Variants in DLG2 observed in about 807,000 individuals in gnomAD.
DLG2 encodes discs large MAGUK scaffold protein 2, also known as disks large homolog 2.
Under a neutral mutation model 132.5 loss-of-function variants are expected in DLG2, and 45 were observed. That is an observed-to-expected ratio of 0.34 (90% confidence interval 0.27 to 0.44). DLG2 has a LOEUF of 0.44. Ranked by LOEUF, DLG2 falls within the 20% of genes least tolerant of loss-of-function variation. The pLI, the probability that DLG2 is intolerant of heterozygous loss-of-function variation, is 1.00. For synonymous variants in DLG2, 424 were observed against 419.6 expected (o/e 1.01, Z -0.13); for missense variants, 1,045 against 1,196.9 (o/e 0.87, Z 1.87).
intron 3 of DLG2, among the ~76,000 whole-genome samples, chr11:85,303,829 A>T (rs1360974491): frequency 6.6e-6 from 1 of 152,078 alleles, no homozygotes; most frequent in Non-Finnish European, 1.5e-5. Flanking sequence ...GAAATCCAAG[A>T]CCCTGTTAAC....
intron 6 of DLG2, among the ~76,000 whole-genome samples, chr11:84,855,024 G>A (rs942831371): frequency 6.6e-6 from 1 of 152,026 alleles, no homozygotes; most frequent in Non-Finnish European, 1.5e-5. Context: ...TTGGTTGACA[G>A]ATTCAAATGG....
chr11:84,499,095 T>G (rs946757444), intron 7 of DLG2, among the ~76,000 whole-genome samples: 1 of 152,240 alleles, frequency 6.6e-6, no homozygotes, highest in Non-Finnish European at 1.5e-5. Flanking sequence ...GCAATAATTT[T>G]AACATCTTCC....
chr11:85,343,685 C>T (rs1029634257), intron 3 of DLG2, among the ~76,000 whole-genome samples: 1 of 152,038 alleles, frequency 6.6e-6, no homozygotes, highest in Non-Finnish European at 1.5e-5. Context: ...CACACATATA[C>T]ACACTAGAAC....
chr11:85,134,719 G>A (rs1455764772), intron 5 of DLG2, among the ~76,000 whole-genome samples: 2 of 151,852 alleles, frequency 1.3e-5, no homozygotes, highest in Non-Finnish European at 2.9e-5. Context: ...TTACCCAAAT[G>A]AGAGCACTGT....
rs541670595 is a variant in DLG2 at position 84,188,886 on chromosome 11, C to T, written c.574-25375G>A. Among the ~76,000 whole-genome samples, 14 of 152,252 alleles carry T rather than the reference C, an allele frequency of 9.2e-5. No homozygotes were observed. In the East Asian group the frequency reaches 2.7e-3, roughly 29 times the overall value. ...TATACCCTCAATAATCACCCAGAGC[C>T]TTCTTTTTGAAAGCCCTTTGAAGTG... On this transcript the variant is annotated intron_variant, in intron 8 of 27. Coordinates refer to ENST00000376104, the MANE Select transcript of DLG2 (RefSeq NM_001142699.3).
intron 11 of DLG2, among the ~76,000 whole-genome samples, chr11:84,014,972 T>C (rs75719250): frequency 0.028 from 4,337 of 152,240 alleles, 77 homozygotes; most frequent in Middle Eastern, 0.048. Flanking sequence ...AATACATACG[T>C]AATTTGGTGT....
chr11:83,918,671 G>C (rs1019927777), intron 15 of DLG2, among the ~76,000 whole-genome samples: 2 of 152,154 alleles, frequency 1.3e-5, no homozygotes, highest in African/African-American at 4.8e-5. Context: ...CACAGGAACA[G>C]AGCTGCTGTG....
chr11:85,348,265 G>C (rs1596413549), intron 3 of DLG2, among the ~76,000 whole-genome samples: 1 of 149,910 alleles, frequency 6.7e-6, no homozygotes, highest in Non-Finnish European at 1.5e-5. Flanking sequence ...ACTCTGTCAC[G>C]AGGCTGGAGT....
intron 3 of DLG2, among the ~76,000 whole-genome samples, chr11:85,505,946 G>T (rs1378008569): frequency 6.6e-6 from 1 of 152,108 alleles, no homozygotes; most frequent in Admixed American, 6.6e-5. Context: ...GTTTAGTCTT[G>T]GGAGGGTGTA....
intron 7 of DLG2, among the ~76,000 whole-genome samples, chr11:84,506,079 CTT>C (rs779039240): frequency 7.5e-5 from 8 of 106,984 alleles, no homozygotes; most frequent in Non-Finnish European, 7.2e-5. Context: ...AGGCTCAGTT[CTT>C]TTTTTTTTTT....
chr11:83,595,603 T>A (rs979152074), intron 19 of DLG2, among the ~76,000 whole-genome samples: 1 of 152,222 alleles, frequency 6.6e-6, no homozygotes, highest in African/African-American at 2.4e-5. Flanking sequence ...AATTACTTTG[T>A]ACGGAACTAA....
chr11:84,906,381 A>AAC (rs35833007), intron 6 of DLG2, among the ~76,000 whole-genome samples: 6,805 of 144,174 alleles, frequency 0.047, 188 homozygotes, highest in African/African-American at 0.079. Context: ...CAGCAAGGCT[A>AAC]ACACACACAC....
At chr11:84,847,347 T>G (rs1334045371) in intron 6 of DLG2, among the ~76,000 whole-genome samples, 1 of 152,104 alleles carries the variant, frequency 6.6e-6, no homozygotes, top group African/African-American at 2.4e-5. Flanking sequence ...TGCATTAACA[T>G]GAAAAGTAGA....
intron 18 of DLG2, among the ~76,000 whole-genome samples, chr11:83,702,644 A>C (rs551310042): frequency 6.6e-6 from 1 of 152,346 alleles, no homozygotes; most frequent in Admixed American, 6.5e-5. Flanking sequence ...GGCTGGGCCC[A>C]GAGAAAGCTC....
chr11:84,674,735 G>A (rs1015968181), intron 6 of DLG2, among the ~76,000 whole-genome samples: 15 of 152,114 alleles, frequency 9.9e-5, no homozygotes, highest in Admixed American at 3.9e-4. Context: ...CAGGAGTTAA[G>A]CAGCATGACC....
chr11:83,809,619 G>T (rs958513332), intron 17 of DLG2, among the ~76,000 whole-genome samples: 11 of 152,146 alleles, frequency 7.2e-5, no homozygotes, highest in Non-Finnish European at 2.9e-5. Flanking sequence ...CCTAGAACCA[G>T]TCAGTCAACA....
chr11:84,850,375 C>A (rs938114563), intron 6 of DLG2, among the ~76,000 whole-genome samples: 9 of 151,854 alleles, frequency 5.9e-5, no homozygotes, highest in Admixed American at 4.6e-4. Context: ...CCCACTTCGA[C>A]TTTAGCAAAA....
chr11:85,218,329 AAT>A (rs2082753232), intron 4 of DLG2, among the ~76,000 whole-genome samples: 1 of 152,220 alleles, frequency 6.6e-6, no homozygotes. Context: ...TGCAAGAACA[AAT>A]ATCTAGAATC....
intron 8 of DLG2, among the ~76,000 whole-genome samples, chr11:84,221,229 G>A (rs2154326097): frequency 6.6e-6 from 1 of 152,136 alleles, no homozygotes; most frequent in South Asian, 2.1e-4. Context: ...ACTTTGGGAG[G>A]CCAAGGTGGG....
Sources: allele counts gnomAD v4.1 joint callset (sites outside exome capture counted in the v4.1 genomes callset), GRCh38; gene constraint gnomAD v4.1.1; transcripts MANE v1.5; gene names NCBI Gene and HGNC (gene_info 2026-07-23, HGNC 2026-07-21).